RGL1: variants seen among roughly 807,000 people sequenced by gnomAD.
RGL1 encodes the protein ral guanine nucleotide dissociation stimulator like 1.
Under a neutral mutation model 95.2 loss-of-function variants are expected in RGL1, and 24 were observed. The ratio of observed to expected loss-of-function variants is 0.25; its 90% CI spans 0.18 to 0.35. The LOEUF (loss-of-function observed/expected upper bound fraction) is 0.35. Ranked by LOEUF, RGL1 falls within the 10% of genes least tolerant of loss-of-function variation. The probability of loss-of-function intolerance (pLI) is 1.00; values close to 1 mark genes in which losing one functional copy is unlikely to be tolerated. For missense variants in RGL1, 715 were observed against 936.3 expected (o/e 0.76, Z 3.08); for synonymous variants, 329 against 344.9 (o/e 0.95, Z 0.51).
At chr1:183,906,315 A>G (rs1668317595) in intron 13 of RGL1, among the ~76,000 whole-genome samples, 1 of 152,186 alleles carries the variant, frequency 6.6e-6, no homozygotes, top group Non-Finnish European at 1.5e-5. Flanking sequence ...GGAATCACAT[A>G]TAAATTCCTC....
chr1:183,821,026 G>A (rs569431850), intron 2 of RGL1, among the ~76,000 whole-genome samples: 7 of 152,108 alleles, frequency 4.6e-5, no homozygotes, highest in East Asian at 1.9e-4. Context: ...CCAGCTACTC[G>A]GGAGGCTGAG....
intron 1 of RGL1, among the ~76,000 whole-genome samples, chr1:183,667,194 C>T (rs918010717): frequency 2.6e-5 from 4 of 152,148 alleles, no homozygotes; most frequent in African/African-American, 7.2e-5. Flanking sequence ...TTCTTTATCT[C>T]TTTCAATCTG....
chr1:183,858,825 T>C (rs535337134), intron 3 of RGL1, among the ~76,000 whole-genome samples: 1 of 152,222 alleles, frequency 6.6e-6, no homozygotes, highest in South Asian at 2.1e-4. Context: ...TTCCGTTGAG[T>C]TTTTGTAAGC....
At chr1:183,870,597 G>A (rs1393095323) in intron 4 of RGL1, among the ~76,000 whole-genome samples, 1 of 152,150 alleles carries the variant, frequency 6.6e-6, no homozygotes, top group African/African-American at 2.4e-5. Context: ...CCTGAGAAGG[G>A]AGGAGTTACT....
At chr1:183,661,467 A>G (rs550086603) in intron 1 of RGL1, among the ~76,000 whole-genome samples, 1,921 of 152,206 alleles carry the variant, frequency 0.013, 50 homozygotes, top group African/African-American at 0.045. Context: ...GAAGAAGTGG[A>G]TAAATTCCTC....
intron 1 of RGL1, among the ~76,000 whole-genome samples, chr1:183,694,014 T>C (rs10911414): frequency 0.085 from 12,928 of 152,272 alleles, 1,025 homozygotes; most frequent in African/African-American, 0.21. Context: ...AGGGCTGCTA[T>C]GGCATGGCAC....
At chr1:183,787,581 A>G (rs766377060) in intron 2 of RGL1, among the ~76,000 whole-genome samples, 3 of 152,212 alleles carry the variant, frequency 2.0e-5, no homozygotes, top group Non-Finnish European at 2.9e-5. Flanking sequence ...AAATGATAAC[A>G]TTAGCATTTG....
chr1:183,776,391 G>A (rs1049216979), intron 2 of RGL1, among the ~76,000 whole-genome samples: 20 of 151,606 alleles, frequency 1.3e-4, no homozygotes, highest in Admixed American at 2.6e-4. Flanking sequence ...CTCGTGATCC[G>A]CCCGCCTCGG....
intron 2 of RGL1, among the ~76,000 whole-genome samples, chr1:183,790,620 A>C (rs1029168573): frequency 2.0e-5 from 3 of 152,174 alleles, no homozygotes; most frequent in Non-Finnish European, 4.4e-5. Context: ...CCTGAGGCAC[A>C]GGATACAATA....
intron 1 of RGL1, among the ~76,000 whole-genome samples, chr1:183,731,999 G>T (rs1019332751): frequency 1.3e-5 from 2 of 152,060 alleles, no homozygotes; most frequent in East Asian, 3.9e-4. Context: ...CAATAATTAG[G>T]CTATAGCTAC....
In RGL1 at chr1:183,904,813, CTT is replaced by C. The variant is rs373345158; in HGVS notation, c.1351-28_1351-27del. The C allele has an allele frequency of 2.9e-3, 3,995 of 1,386,534 alleles. 19 individuals are homozygous for C. Among genetic ancestry groups the C allele is most frequent in the African/African-American group, 8.4e-3 (569 of 67,672 alleles). The allele number at this position is 1,386,534 out of a possible 1,614,324, so 85.9% of individuals were successfully genotyped here. A position where few individuals can be genotyped will look rare whatever the true frequency, so the allele number is the denominator to read the frequency against. On this transcript the variant is annotated intron_variant, in intron 12 of 17. Transcript: ENST00000360851. ...TATTTGGTTGGCCTTATTATTCAGT[CTT>C]TTTTTTTTAATTTTTGGTATTCTGT...
At chr1:183,910,187 C>A (rs139261137) in intron 14 of RGL1, among the ~76,000 whole-genome samples, 1 of 152,294 alleles carries the variant, frequency 6.6e-6, no homozygotes, top group African/African-American at 2.4e-5. Context: ...ACCTCTGCCT[C>A]CTGGGTTCAT....
chr1:183,904,623 A>G (rs767203219), intron 12 of RGL1, among the ~76,000 whole-genome samples: 7 of 152,200 alleles, frequency 4.6e-5, no homozygotes, highest in Non-Finnish European at 7.3e-5. Context: ...AGGAGAAAAG[A>G]GGATTAAAAA....
At chr1:183,810,427 T>C (rs1245007400) in intron 2 of RGL1, among the ~76,000 whole-genome samples, 3 of 152,238 alleles carry the variant, frequency 2.0e-5, no homozygotes, top group Non-Finnish European at 4.4e-5. Context: ...CACTGAGGCC[T>C]TTCTGCCCTG....
chr1:183,808,101 A>G (rs1174555828), intron 2 of RGL1, among the ~76,000 whole-genome samples: 1 of 152,218 alleles, frequency 6.6e-6, no homozygotes, highest in Non-Finnish European at 1.5e-5. Context: ...TCAGCCATAT[A>G]CAACATTAGT....
At chr1:183,663,631 CA>C (rs1388396272) in intron 1 of RGL1, among the ~76,000 whole-genome samples, 9 of 151,630 alleles carry the variant, frequency 5.9e-5, no homozygotes, top group Admixed American at 3.3e-4. Flanking sequence ...TAAACTAGTT[CA>C]ACCCTTGTGG....
chr1:183,705,984 T>C (rs1296999138), intron 1 of RGL1, among the ~76,000 whole-genome samples: 5 of 151,788 alleles, frequency 3.3e-5, no homozygotes, highest in Non-Finnish European at 5.9e-5. Context: ...TGTTTTGTGA[T>C]TGAGGGTGTG....
chr1:183,697,169 ACTTTC>A (rs1166749821), intron 1 of RGL1, among the ~76,000 whole-genome samples: 1 of 152,084 alleles, frequency 6.6e-6, no homozygotes. Flanking sequence ...CACCCAGGGC[ACTTTC>A]CCCTGCTCCC....
intron 2 of RGL1, among the ~76,000 whole-genome samples, chr1:183,837,408 C>A (rs1663739937): frequency 9.2e-6 from 1 of 108,800 alleles, no homozygotes; most frequent in South Asian, 2.6e-4. Flanking sequence ...TTTATGAAGA[C>A]CTTGGACATT....
Sources: allele counts gnomAD v4.1 joint callset (sites outside exome capture counted in the v4.1 genomes callset), GRCh38; gene constraint gnomAD v4.1.1; transcripts MANE v1.5; gene names NCBI Gene and HGNC (gene_info 2026-07-23, HGNC 2026-07-21).